The following FAM110B variants were observed in gnomAD, a reference collection of about 807,000 sequenced individuals.
FAM110B encodes family with sequence similarity 110 member B.
In FAM110B, 6 loss-of-function variants were observed where a neutral mutation model predicts 20.4. That is an observed-to-expected ratio of 0.29 (90% confidence interval 0.16 to 0.58). The LOEUF (loss-of-function observed/expected upper bound fraction) is 0.58, where lower values mean the gene tolerates loss of function less well. FAM110B is among the 20% of genes least tolerant of loss of function. The pLI is 0.90. For missense variants in FAM110B, 434 were observed against 498.2 expected (o/e 0.87, Z 1.23); for synonymous variants, 226 against 214.1 (o/e 1.06, Z -0.49).
At chr8:58,015,588 G>A (rs2150567472) in intron 1 of FAM110B, among the ~76,000 whole-genome samples, 1 of 152,064 alleles carries the variant, frequency 6.6e-6, no homozygotes, top group East Asian at 1.9e-4. Context: ...ACTCATGCCT[G>A]TAATCTCAGC....
chr8:58,129,853 CT>C (rs1028325590), intron 3 of FAM110B, among the ~76,000 whole-genome samples: 105 of 151,776 alleles, frequency 6.9e-4, no homozygotes, highest in Middle Eastern at 3.4e-3. Flanking sequence ...TCTTTACTGT[CT>C]TTTTTTTTCT....
intron 3 of FAM110B, among the ~76,000 whole-genome samples, chr8:58,088,938 T>C (rs141338296): frequency 0.011 from 1,625 of 152,328 alleles, 18 homozygotes; most frequent in East Asian, 0.06. Context: ...AAATACTGCC[T>C]TTGACAGGAT....
chr8:58,121,310 T>G (rs1353629998), intron 3 of FAM110B, among the ~76,000 whole-genome samples: 1 of 152,192 alleles, frequency 6.6e-6, no homozygotes, highest in East Asian at 1.9e-4. Flanking sequence ...TATTCTCCTG[T>G]GGGTCTCAGA....
intron 3 of FAM110B, among the ~76,000 whole-genome samples, chr8:58,103,503 C>T (rs1806837344): frequency 6.6e-6 from 1 of 152,136 alleles, no homozygotes; most frequent in Admixed American, 6.5e-5. Context: ...GACATGAACT[C>T]ATCATTTTTT....
At chr8:58,129,763 G>A (rs936012409) in intron 3 of FAM110B, among the ~76,000 whole-genome samples, 4 of 152,180 alleles carry the variant, frequency 2.6e-5, no homozygotes, top group Admixed American at 1.3e-4. Context: ...CAGTGCCCAC[G>A]GCTGATGAGA....
chr8:58,074,692 C>T (rs10217041), intron 2 of FAM110B, among the ~76,000 whole-genome samples: 14,025 of 152,130 alleles, frequency 0.092, 2,156 homozygotes, highest in African/African-American at 0.32. Context: ...TAATGATTCC[C>T]GGCATGGGGG....
rs914919243 is a variant in FAM110B, at chr8:58,146,047, G to A, written c.-184G>A. 1.6e-6 allele frequency: 1 copy of A among 644,556 alleles called. No homozygotes were observed. The highest frequency in any genetic ancestry group is 1.8e-5 in the African/African-American group (1 of 54,190). The allele number at this position is 644,556 out of a possible 1,614,324, so 39.9% of individuals were successfully genotyped here. A position where few individuals can be genotyped will look rare whatever the true frequency, so the allele number is the denominator to read the frequency against. On this transcript the variant is annotated 5_prime_UTR_variant, in exon 4 of 4. Coordinates refer to ENST00000519262, the MANE Select transcript of FAM110B (RefSeq NM_001377989.1). ...GGGCCGCCTGGAAGGGGAGAAAAGT[G>A]TATGAAAGCCACCGTGGCGGTTAAT...
At position 58,001,416 on chromosome 8, in the gene FAM110B, T is replaced by C. The variant is rs1804292553; in HGVS notation, c.-512+6610T>C. On this transcript the variant is annotated intron_variant, in intron 1 of 3. Transcript: ENST00000519262. Reference sequence around the variant, plus strand: ...TGAGAAAGGGGCCTAGTGTTCAGTATACACATAGCATTTCCTGTTTTTCCA... The same window carrying C: ...TGAGAAAGGGGCCTAGTGTTCAGTACACACATAGCATTTCCTGTTTTTCCA... 4.6e-5 allele frequency among the ~76,000 whole-genome samples: 7 copies of C among 152,148 alleles called. No individual in the cohort carries two copies. The South Asian group carries it at 1.4e-3, about 31-fold the overall frequency.
intron 2 of FAM110B, among the ~76,000 whole-genome samples, chr8:58,069,802 G>A (rs1366358363): frequency 2.0e-5 from 3 of 152,056 alleles, no homozygotes; most frequent in African/African-American, 4.8e-5. Context: ...TCACAGTATC[G>A]ATTTTATTAT....
chr8:58,002,833 G>A (rs1034891843), intron 1 of FAM110B, among the ~76,000 whole-genome samples: 4 of 152,344 alleles, frequency 2.6e-5, no homozygotes, highest in Admixed American at 2.6e-4. Flanking sequence ...GCTGCTGGAG[G>A]TTCTTGCCTT....
At chr8:58,031,126 G>A (rs1804954207) in intron 1 of FAM110B, among the ~76,000 whole-genome samples, 1 of 152,202 alleles carries the variant, frequency 6.6e-6, no homozygotes, top group South Asian at 2.1e-4. Flanking sequence ...AACTGCATTT[G>A]GAGGACAGAA....
intron 3 of FAM110B, among the ~76,000 whole-genome samples, chr8:58,124,466 G>A (rs940992397): frequency 6.6e-6 from 1 of 152,176 alleles, no homozygotes; most frequent in African/African-American, 2.4e-5. Context: ...TTCATGTTAC[G>A]CTGCACAGGC....
chr8:58,119,123 C>T (rs1807289466), intron 3 of FAM110B, among the ~76,000 whole-genome samples: 1 of 152,210 alleles, frequency 6.6e-6, no homozygotes, highest in Non-Finnish European at 1.5e-5. Context: ...AGGCAGCATT[C>T]CTGAAGAAAG....
intron 1 of FAM110B, among the ~76,000 whole-genome samples, chr8:58,019,432 C>T (rs771543668): frequency 6.6e-6 from 1 of 151,338 alleles, no homozygotes; most frequent in African/African-American, 2.4e-5. Context: ...CACACATTTG[C>T]CATTTCTTGT....
chr8:58,062,040 A>G (rs1407989651), intron 2 of FAM110B, among the ~76,000 whole-genome samples: 4 of 152,192 alleles, frequency 2.6e-5, no homozygotes, highest in Non-Finnish European at 5.9e-5. Context: ...GAAGGACACG[A>G]TACATTTTTT....
intron 3 of FAM110B, among the ~76,000 whole-genome samples, chr8:58,144,720 C>G (rs760835203): frequency 1.3e-5 from 2 of 152,114 alleles, no homozygotes; most frequent in Non-Finnish European, 2.9e-5. Context: ...TAATTATAAC[C>G]AAAGATGCTG....
intron 2 of FAM110B, among the ~76,000 whole-genome samples, chr8:58,051,490 T>C (rs1403914399): frequency 6.6e-6 from 1 of 152,158 alleles, no homozygotes; most frequent in South Asian, 2.1e-4. Context: ...TGAAAAAGAC[T>C]GGGGAAGTCT....
chr8:58,146,725 C>G lies in FAM110B; in HGVS notation c.495C>G (p.Val165=), dbSNP rs1803875518. Residue 165 remains valine (V), a synonymous_variant, in exon 4 of 4, where the codon GTC becomes GTG. Coordinates refer to ENST00000519262, the MANE Select transcript of FAM110B (RefSeq NM_001377989.1). The part of the protein sequence containing the change: ...HRHSFAESLK[V]YPTQGRRSPQ... Reference sequence around the variant, plus strand: ...ACTCCTTCGCGGAGTCCCTGAAGGTCTACCCCACGCAGGGCCGCAGGAGCC... The same window carrying G: ...ACTCCTTCGCGGAGTCCCTGAAGGTGTACCCCACGCAGGGCCGCAGGAGCC... 6.2e-7 allele frequency: 1 copy of G among 1,612,258 alleles called. No individual in the cohort carries two copies. The highest frequency in any genetic ancestry group is 8.5e-7 in the Non-Finnish European group (1 of 1,179,370).
At position 58,146,223 on chromosome 8, in the gene FAM110B, C is replaced by A; in HGVS notation, c.-8C>A. ...TCCAACACGGCTGCCGGGGAAAGAC[C>A]GCCCACCATGCCCACGGAGACCCTA... On this transcript the variant is annotated 5_prime_UTR_variant, in exon 4 of 4. Coordinates refer to ENST00000519262, the MANE Select transcript of FAM110B (RefSeq NM_001377989.1). 6.3e-7 allele frequency: 1 copy of A among 1,583,470 alleles called. No homozygotes were observed. Among genetic ancestry groups the A allele is most frequent in the South Asian group, 1.1e-5 (1 of 87,808 alleles).
Sources: allele counts gnomAD v4.1 joint callset (sites outside exome capture counted in the v4.1 genomes callset), GRCh38; gene constraint gnomAD v4.1.1; transcripts MANE v1.5; gene names NCBI Gene and HGNC (gene_info 2026-07-23, HGNC 2026-07-21).